Variants in DNAJB5 observed in about 807,000 individuals in gnomAD.
The protein encoded by DNAJB5 is DnaJ heat shock protein family (Hsp40) member B5, also known as dnaJ homolog subfamily B member 5.
A neutral mutation model predicts 32.6 loss-of-function variants in DNAJB5; 12 were observed. The ratio of observed to expected loss-of-function variants is 0.37; its 90% CI spans 0.24 to 0.60. The LOEUF (loss-of-function observed/expected upper bound fraction) is 0.60, where lower values mean the gene tolerates loss of function less well. DNAJB5 is among the 20% of genes least tolerant of loss of function. The pLI, the probability that DNAJB5 is intolerant of heterozygous loss-of-function variation, is 0.71. For missense variants in DNAJB5, 358 were observed against 554.2 expected, an observed-to-expected ratio of 0.65 and a Z score of 3.55; for synonymous variants, 188 against 212.9, an observed-to-expected ratio of 0.88 and a Z score of 1.02.
At chr9:34,991,586 G>A in intron 2 of DNAJB5, 1 of 331,600 alleles carries the variant, frequency 3.0e-6, no homozygotes, top group South Asian at 2.2e-5. Flanking sequence ...GGGGAAAGAA[G>A]GTGTGGGTTG....
In DNAJB5 at chr9:34,997,409, C is replaced by T; in HGVS notation, c.*150C>T. On this transcript the variant is annotated 3_prime_UTR_variant, in exon 5 of 5. Coordinates refer to ENST00000682809, the MANE Select transcript of DNAJB5 (RefSeq NM_001349723.3). The surrounding 1 kb of genome is among the most constrained non-coding windows in gnomAD (Gnocchi z 4.1). Reference sequence around the variant, plus strand: ...CTGGTTTTCAGGAAAATGTTCCTGTCCCTGACCCCTTTTAGAGCTGGGCTG... The same window carrying T: ...CTGGTTTTCAGGAAAATGTTCCTGTTCCTGACCCCTTTTAGAGCTGGGCTG... 1.1e-6 allele frequency: 1 copy of T among 898,650 alleles called. No homozygotes were observed. Among genetic ancestry groups the T allele is most frequent in the Non-Finnish European group, 1.8e-6 (1 of 561,566 alleles). The allele number at this position is 898,650 out of a possible 1,614,324, so 55.7% of individuals were successfully genotyped here. A position where few individuals can be genotyped will look rare whatever the true frequency, so the allele number is the denominator to read the frequency against.
At position 34,990,876 on chromosome 9, in the gene DNAJB5, C is replaced by T. The variant is rs1587494696; in HGVS notation, c.182+64C>T. On this transcript the variant is annotated intron_variant, in intron 2 of 4. Transcript: ENST00000682809. This position sits in a 1 kb window ranked among gnomAD's most constrained non-coding sequence, Gnocchi z 4.5. ...AGTCAAACCCTCCACGCGGCCATCC[C>T]CTCCATTGCCTTCCTGCTTCCTCCA... The T allele has an allele frequency of 1.4e-6, 2 of 1,467,888 alleles. No individual in the cohort carries two copies. Among genetic ancestry groups the T allele is most frequent in the Non-Finnish European group, 9.1e-7 (1 of 1,097,918 alleles). The allele number at this position is 1,467,888 out of a possible 1,614,324, so 90.9% of individuals were successfully genotyped here.
At chr9:34,994,024 G>A (rs2132979849) in intron 3 of DNAJB5, among the ~76,000 whole-genome samples, 1 of 152,296 alleles carries the variant, frequency 6.6e-6, no homozygotes, top group East Asian at 1.9e-4. Flanking sequence ...CTTCCCTGGG[G>A]TAGCTGGTGG....
At position 34,990,435 on chromosome 9, in the gene DNAJB5, C is replaced by T. The variant is rs1587494006; in HGVS notation, c.-132-64C>T. The T allele has an allele frequency of 6.5e-7, 1 of 1,533,408 alleles. No homozygotes were observed. The highest frequency in any genetic ancestry group is 1.4e-5 in the African/African-American group (1 of 73,138). The allele number at this position is 1,533,408 out of a possible 1,614,324, so 95.0% of individuals were successfully genotyped here. On this transcript the variant is annotated intron_variant, in intron 1 of 4. Coordinates refer to ENST00000682809, the MANE Select transcript of DNAJB5 (RefSeq NM_001349723.3). This position sits in a 1 kb window ranked among gnomAD's most constrained non-coding sequence, Gnocchi z 4.5. ...ACAGCCGCTCACAGCCAGCCAGACA[C>T]TGCTGCACCTGAGAGCAGGTGGCCG...
intron 3 of DNAJB5, among the ~76,000 whole-genome samples, chr9:34,995,755 A>C (rs73497331): frequency 2.3e-4 from 35 of 152,296 alleles, no homozygotes; most frequent in African/African-American, 8.2e-4. Flanking sequence ...CTAGAAGCAG[A>C]GTGAAAGTGG....
At position 34,993,163 on chromosome 9, in the gene DNAJB5, G is replaced by T; in HGVS notation, c.183-37G>T. 1 of 1,586,426 alleles carries T rather than the reference G, an allele frequency of 6.3e-7. No individual in the cohort carries two copies. The highest frequency in any genetic ancestry group is 1.1e-5 in the South Asian group (1 of 87,576). ...CATCAGGAACAGGGCTGGGGCAGAA[G>T]AGAAGGCATCAAGTCTTGGCCCTGG... On this transcript the variant is annotated intron_variant, in intron 2 of 4. Coordinates refer to ENST00000682809, the MANE Select transcript of DNAJB5 (RefSeq NM_001349723.3). The surrounding 1 kb of genome is among the most constrained non-coding windows in gnomAD (Gnocchi z 4.7).
chr9:34,990,998 C>A lies in DNAJB5; in HGVS notation c.182+186C>A. ...ACCCCTTATCATTCCTTTTCTCAAA[C>A]CCTTCAGGTATCCATTTTCCACAGA... On this transcript the variant is annotated intron_variant, in intron 2 of 4. Transcript: ENST00000682809. The surrounding 1 kb of genome is among the most constrained non-coding windows in gnomAD (Gnocchi z 4.5). 1.6e-6 allele frequency: 1 copy of A among 628,192 alleles called. No individual in the cohort carries two copies. The highest frequency in any genetic ancestry group is 2.8e-5 in the East Asian group (1 of 36,152). The allele number at this position is 628,192 out of a possible 1,614,324, so 38.9% of individuals were successfully genotyped here.
rs1827586123 is a variant in DNAJB5 at position 34,990,269 on chromosome 9, G to T, written c.-132-230G>T. The T allele has an allele frequency of 7.3e-7, 1 of 1,372,494 alleles. No homozygotes were observed. The highest frequency in any genetic ancestry group is 1.4e-5 in the African/African-American group (1 of 69,454). The allele number at this position is 1,372,494 out of a possible 1,614,324, so 85.0% of individuals were successfully genotyped here. ...TGACTTCATTGAGTAGGTTCTTGGG[G>T]ATTGGGGTCGGGTCCTCCCCAGTGA... On this transcript the variant is annotated intron_variant, in intron 1 of 4. Transcript: ENST00000682809. This position sits in a 1 kb window ranked among gnomAD's most constrained non-coding sequence, Gnocchi z 4.5.
chr9:34,996,202 G>GTC lies in DNAJB5; in HGVS notation c.428-63_428-62insTC. On this transcript the variant is annotated intron_variant, in intron 3 of 4. Coordinates refer to ENST00000682809, the MANE Select transcript of DNAJB5 (RefSeq NM_001349723.3). This position sits in a 1 kb window ranked among gnomAD's most constrained non-coding sequence, Gnocchi z 7.2. Reference sequence around the variant, plus strand: ...TGTGAACTGGGAGCTAGAGGGCAGGGGGAAGACACTGGGATTGGGGCCAGA... The same window carrying GTC: ...TGTGAACTGGGAGCTAGAGGGCAGGGTCGGAAGACACTGGGATTGGGGCCAGA... The GTC allele has an allele frequency of 6.4e-7, 1 of 1,558,268 alleles. No individual in the cohort carries two copies. Among genetic ancestry groups the GTC allele is most frequent in the Non-Finnish European group, 8.7e-7 (1 of 1,152,494 alleles).
At position 34,997,517 on chromosome 9, in the gene DNAJB5, C is replaced by T; in HGVS notation, c.*258C>T. The stretch of plus-strand genomic sequence containing the variant: ...ATGTCACTAGCTTTCAATCCAGTTT[C>T]CACTGCAGTGGCTGGAGAGTGACCT... On this transcript the variant is annotated 3_prime_UTR_variant, in exon 5 of 5. Coordinates refer to ENST00000682809, the MANE Select transcript of DNAJB5 (RefSeq NM_001349723.3). This position sits in a 1 kb window ranked among gnomAD's most constrained non-coding sequence, Gnocchi z 4.1. 2 of 617,084 alleles carry T rather than the reference C, an allele frequency of 3.2e-6. No homozygotes were observed. Among genetic ancestry groups the T allele is most frequent in the South Asian group, 3.3e-5 (2 of 60,082 alleles). 38.2% of individuals were successfully genotyped at this position (617,084 alleles called of 1,614,324 possible). A position where few individuals can be genotyped will look rare whatever the true frequency, so the allele number is the denominator to read the frequency against.
intron 2 of DNAJB5, chr9:34,991,755 G>C (rs1827652173): frequency 7.9e-6 from 2 of 251,712 alleles, no homozygotes; most frequent in South Asian, 7.5e-5. Context: ...TGACATGCTG[G>C]TGGGGGGCAA....
chr9:34,995,391 G>A (rs778431901), intron 3 of DNAJB5, among the ~76,000 whole-genome samples: 3 of 152,068 alleles, frequency 2.0e-5, no homozygotes, highest in Non-Finnish European at 4.4e-5. Flanking sequence ...GTGCATGAAG[G>A]CTGCCTCCAG....
intron 1 of DNAJB5, 67 bp downstream of exon 1, chr9:34,989,898 G>A: frequency 8.1e-7 from 1 of 1,242,022 alleles, no homozygotes; most frequent in Admixed American, 3.9e-5. Flanking sequence ...GGCTCCTGGT[G>A]TTGGGGGGTT....
Position 34,993,302 on chromosome 9 carries a change from C to T in DNAJB5, c.285C>T (p.Ala95=), listed in dbSNP as rs751200553. 1.2e-5 allele frequency: 20 copies of T among 1,614,018 alleles called. No homozygotes were observed. In the South Asian group the frequency reaches 2.1e-4, roughly 17 times the overall value. The change falls in exon 3 of 5, where the codon GCC becomes GCT. Residue 95 remains alanine (A), a synonymous_variant. Coordinates refer to ENST00000682809, the MANE Select transcript of DNAJB5 (RefSeq NM_001349723.3). This position sits in a 1 kb window ranked among gnomAD's most constrained non-coding sequence, Gnocchi z 4.7. ...SGANEDEIKK[A]YRKMALKYHP... Reference sequence around the variant, plus strand: ...CCAACGAGGATGAGATCAAGAAAGCCTACCGGAAGATGGCCTTGAAGTACC... The same window carrying T: ...CCAACGAGGATGAGATCAAGAAAGCTTACCGGAAGATGGCCTTGAAGTACC...
Position 34,990,151 on chromosome 9 carries a change from CGA to C in DNAJB5, c.-133+322_-133+323del. 1.5e-5 allele frequency: 12 copies of C among 794,516 alleles called. No individual in the cohort carries two copies. Among genetic ancestry groups the C allele is most frequent in the Non-Finnish European group, 2.0e-5 (11 of 540,086 alleles). 49.2% of individuals were successfully genotyped at this position (794,516 alleles called of 1,614,324 possible). On this transcript the variant is annotated intron_variant, in intron 1 of 4. Coordinates refer to ENST00000682809, the MANE Select transcript of DNAJB5 (RefSeq NM_001349723.3). The surrounding 1 kb of genome is among the most constrained non-coding windows in gnomAD (Gnocchi z 4.5). ...ACATCACCGACCACCCTCCCCCGCC[CGA>C]GCCCCCTCCCCTCCTCTCCTCGCCG...
rs1250885507 is a variant in DNAJB5, at chr9:34,990,423, G to A, written c.-132-76G>A. On this transcript the variant is annotated intron_variant, in intron 1 of 4. Coordinates refer to ENST00000682809, the MANE Select transcript of DNAJB5 (RefSeq NM_001349723.3). The surrounding 1 kb of genome is among the most constrained non-coding windows in gnomAD (Gnocchi z 4.5). ...ACACGCTGCCATACAGCCGCTCACAGCCAGCCAGACACTGCTGCACCTGAG... is the reference window on the plus strand; with the variant it reads ...ACACGCTGCCATACAGCCGCTCACAACCAGCCAGACACTGCTGCACCTGAG... 2 of 1,531,664 alleles carry A rather than the reference G, an allele frequency of 1.3e-6. No individual in the cohort carries two copies. The highest frequency in any genetic ancestry group is 1.2e-5 in the South Asian group (1 of 83,148). 94.9% of individuals were successfully genotyped at this position (1,531,664 alleles called of 1,614,324 possible). A position where few individuals can be genotyped will look rare whatever the true frequency, so the allele number is the denominator to read the frequency against.
chr9:34,996,297 T>C lies in DNAJB5; in HGVS notation c.460T>C (p.Ser154Pro). The C allele has an allele frequency of 6.2e-7, 1 of 1,614,032 alleles. No individual in the cohort carries two copies. Among genetic ancestry groups the C allele is most frequent in the East Asian group, 2.2e-5 (1 of 44,848 alleles). ...LKTGGGTSGG[S>P]SGSFHYTFHG... is the part of the protein sequence containing the mutation. ...GACCGGCGGTGGCACATCAGGTGGC[T>C]CCAGTGGCTCCTTTCACTACACCTT... Residue 154 changes from serine to proline, a missense_variant, in exon 4 of 5, where the codon TCC becomes CCC. Transcript: ENST00000682809. The surrounding 1 kb of genome is among the most constrained non-coding windows in gnomAD (Gnocchi z 7.2).
chr9:34,997,602 C>G lies in DNAJB5; in HGVS notation c.*343C>G. 2.5e-6 allele frequency: 1 copy of G among 398,100 alleles called. No homozygotes were observed. Among genetic ancestry groups the G allele is most frequent in the East Asian group, 6.0e-5 (1 of 16,588 alleles). The allele number at this position is 398,100 out of a possible 1,614,324, so 24.7% of individuals were successfully genotyped here. A position where few individuals can be genotyped will look rare whatever the true frequency, so the allele number is the denominator to read the frequency against. On this transcript the variant is annotated 3_prime_UTR_variant, in exon 5 of 5. Transcript: ENST00000682809. This position sits in a 1 kb window ranked among gnomAD's most constrained non-coding sequence, Gnocchi z 4.1. ...CCATGCCTGTACATAGCATGTCCTCCTCCCCTCAGCTTTGCTAATACCAGT... is the reference window on the plus strand; with the variant it reads ...CCATGCCTGTACATAGCATGTCCTCGTCCCCTCAGCTTTGCTAATACCAGT...
chr9:34,996,918 C>T lies in DNAJB5; in HGVS notation c.1029+52C>T. The T allele has an allele frequency of 6.3e-7, 1 of 1,583,944 alleles. No individual in the cohort carries two copies. Among genetic ancestry groups the T allele is most frequent in the Non-Finnish European group, 8.6e-7 (1 of 1,166,798 alleles). Reference sequence around the variant, plus strand: ...GTGCTGGGGAGATGGTGGGGACATTCCCTCTCTTCCCGCCAGCTGGCACAT... The same window carrying T: ...GTGCTGGGGAGATGGTGGGGACATTTCCTCTCTTCCCGCCAGCTGGCACAT... On this transcript the variant is annotated intron_variant, in intron 4 of 4. Transcript: ENST00000682809. The surrounding 1 kb of genome is among the most constrained non-coding windows in gnomAD (Gnocchi z 7.2).
Sources: allele counts gnomAD v4.1 joint callset (sites outside exome capture counted in the v4.1 genomes callset), GRCh38; gene constraint gnomAD v4.1.1; non-coding constraint Gnocchi (gnomAD v3.1); transcripts MANE v1.5; gene names NCBI Gene and HGNC (gene_info 2026-07-23, HGNC 2026-07-21).